LRRIQ3: variants seen among roughly 807,000 people sequenced by gnomAD.
The protein encoded by LRRIQ3 is leucine rich repeats and IQ motif containing 3, also known as leucine-rich repeat and IQ domain-containing protein 3.
A neutral mutation model predicts 59.3 loss-of-function variants in LRRIQ3; 75 were observed. The observed-to-expected ratio is 1.26, with a 90% CI of 1.05 to 1.53. The LOEUF (loss-of-function observed/expected upper bound fraction) is 1.53, where lower values mean the gene tolerates loss of function less well. Among genes scored for constraint, LRRIQ3 ranks in the 40% most tolerant of loss-of-function variants. The probability of loss-of-function intolerance (pLI) is 0.00; values close to 1 mark genes in which losing one functional copy is unlikely to be tolerated. For missense variants in LRRIQ3, 831 were observed against 710.0 expected, an observed-to-expected ratio of 1.17 and a Z score of -1.94; for synonymous variants, 250 against 231.3, an observed-to-expected ratio of 1.08 and a Z score of -0.73.
At chr1:74,096,105 CT>C (rs1646445995) in intron 5 of LRRIQ3, among the ~76,000 whole-genome samples, 1 of 151,824 alleles carries the variant, frequency 6.6e-6, no homozygotes, top group Non-Finnish European at 1.5e-5. Flanking sequence ...AAAAAAATAA[CT>C]GTTAAGAGTG....
At chr1:74,035,185 C>T (rs535306555) in intron 7 of LRRIQ3, among the ~76,000 whole-genome samples, 83 of 152,102 alleles carry the variant, frequency 5.5e-4, no homozygotes, top group Middle Eastern at 3.4e-3. Flanking sequence ...AGCTAAGTTA[C>T]GTTTGATTAT....
intron 4 of LRRIQ3, among the ~76,000 whole-genome samples, chr1:74,112,615 C>G (rs1289790453): frequency 6.6e-6 from 1 of 152,052 alleles, no homozygotes; most frequent in Non-Finnish European, 1.5e-5. Flanking sequence ...GGGTTTGATA[C>G]TAAAAAAGTT....
At chr1:74,062,329 T>C (rs1335254356) in intron 6 of LRRIQ3, among the ~76,000 whole-genome samples, 1 of 151,630 alleles carries the variant, frequency 6.6e-6, no homozygotes, top group Non-Finnish European at 1.5e-5. Flanking sequence ...ATCATTAGAG[T>C]AATGCAAATA....
intron 4 of LRRIQ3, among the ~76,000 whole-genome samples, chr1:74,130,199 C>T (rs529010093): frequency 6.6e-6 from 1 of 152,052 alleles, no homozygotes; most frequent in African/African-American, 2.4e-5. Flanking sequence ...GTGGTCTAGA[C>T]TGCCTTTCAA....
intron 4 of LRRIQ3, among the ~76,000 whole-genome samples, chr1:74,154,405 A>C (rs1384321315): frequency 6.6e-6 from 1 of 152,090 alleles, no homozygotes; most frequent in Non-Finnish European, 1.5e-5. Flanking sequence ...ATTCAAGCCC[A>C]GCATAGATAA....
intron 5 of LRRIQ3, among the ~76,000 whole-genome samples, chr1:74,097,366 C>T (rs537048960): frequency 1.1e-4 from 17 of 150,588 alleles, no homozygotes; most frequent in East Asian, 9.9e-4. Context: ...GAGAAAAAAG[C>T]GTTAAATGAA....
At chr1:74,062,604 G>C (rs1325302701) in intron 6 of LRRIQ3, among the ~76,000 whole-genome samples, 1 of 152,110 alleles carries the variant, frequency 6.6e-6, no homozygotes, top group African/African-American at 2.4e-5. Context: ...ATCAACAGTA[G>C]ACTAGATAAA....
At chr1:74,056,203 A>C (rs774221954) in intron 6 of LRRIQ3, among the ~76,000 whole-genome samples, 2 of 151,890 alleles carry the variant, frequency 1.3e-5, no homozygotes, top group African/African-American at 4.8e-5. Flanking sequence ...AACAAATTAG[A>C]TATAGCAGGA....
intron 4 of LRRIQ3, among the ~76,000 whole-genome samples, chr1:74,111,046 TAAC>T (rs1316494866): frequency 6.6e-6 from 1 of 151,908 alleles, no homozygotes; most frequent in Non-Finnish European, 1.5e-5. Context: ...CTTTCCAATA[TAAC>T]AACAACAAAA....
At chr1:74,110,029 T>C (rs1411444990) in intron 4 of LRRIQ3, among the ~76,000 whole-genome samples, 2 of 151,686 alleles carry the variant, frequency 1.3e-5, no homozygotes, top group Non-Finnish European at 2.9e-5. Flanking sequence ...AAGCCAGAAA[T>C]AATTTTAAGT....
At chr1:74,122,096 C>T (rs528979349) in intron 4 of LRRIQ3, among the ~76,000 whole-genome samples, 1 of 152,134 alleles carries the variant, frequency 6.6e-6, no homozygotes, top group South Asian at 2.1e-4. Flanking sequence ...TGGGTATATA[C>T]CCAGTAATGG....
At chr1:74,089,409 C>T (rs150165459) in intron 5 of LRRIQ3, among the ~76,000 whole-genome samples, 27 of 151,848 alleles carry the variant, frequency 1.8e-4, no homozygotes, top group Middle Eastern at 3.4e-3. Context: ...AGGAACTCAA[C>T]GAATGAATGG....
intron 6 of LRRIQ3, among the ~76,000 whole-genome samples, chr1:74,055,859 T>C (rs1477969306): frequency 1.3e-5 from 2 of 152,084 alleles, no homozygotes; most frequent in Non-Finnish European, 2.9e-5. Context: ...AAAAATTGAA[T>C]AAAGTCCTGG....
At chr1:74,187,129 A>G (rs1005963809) in intron 1 of LRRIQ3, among the ~76,000 whole-genome samples, 3 of 152,154 alleles carry the variant, frequency 2.0e-5, no homozygotes, top group African/African-American at 7.2e-5. Flanking sequence ...AAATTCCTTA[A>G]GGAACTAAAG....
At position 74,063,151 on chromosome 1, in the gene LRRIQ3, C is replaced by CAAA. The variant is rs201544968; in HGVS notation, c.997+11507_997+11509dup. Reference sequence around the variant, plus strand: ...ACAACAACAACAACAACAACAACAACAAAACGAGGAAGGGTGTTTCCTAAT... The same window carrying CAAA: ...ACAACAACAACAACAACAACAACAACAAAAAAACGAGGAAGGGTGTTTCCTAAT... On this transcript the variant is annotated intron_variant, in intron 6 of 7. Coordinates refer to ENST00000354431, the MANE Select transcript of LRRIQ3 (RefSeq NM_001105659.2). 9.7e-4 allele frequency among the ~76,000 whole-genome samples: 146 copies of CAAA among 150,824 alleles called. 2 individuals are homozygous for CAAA. The East Asian group carries it at 0.014, about 14-fold the overall frequency.
chr1:74,154,685 C>A (rs1005159403), intron 4 of LRRIQ3, among the ~76,000 whole-genome samples: 6 of 152,080 alleles, frequency 3.9e-5, no homozygotes, highest in Admixed American at 1.3e-4. Flanking sequence ...ATATAAAAAG[C>A]ACATTAAATT....
At chr1:74,084,007 G>T in intron 5 of LRRIQ3, 1 of 510,124 alleles carries the variant, frequency 2.0e-6, no homozygotes, top group Non-Finnish European at 3.4e-6. Context: ...GTTAATAAAT[G>T]CTAGCTTGAG....
chr1:74,165,921 T>G (rs1648955119), intron 3 of LRRIQ3, among the ~76,000 whole-genome samples: 1 of 151,616 alleles, frequency 6.6e-6, no homozygotes, highest in South Asian at 2.1e-4. Flanking sequence ...TTGGTCCCAC[T>G]TGATCATAGT....
chr1:74,132,301 A>T (rs1647036836), intron 4 of LRRIQ3, among the ~76,000 whole-genome samples: 1 of 152,184 alleles, frequency 6.6e-6, no homozygotes, highest in Non-Finnish European at 1.5e-5. Context: ...ATATTGCCCA[A>T]GGTAATTTAT....
Sources: allele counts gnomAD v4.1 joint callset (sites outside exome capture counted in the v4.1 genomes callset), GRCh38; gene constraint gnomAD v4.1.1; transcripts MANE v1.5; gene names NCBI Gene and HGNC (gene_info 2026-07-23, HGNC 2026-07-21).